CTNNA3: variants seen among roughly 807,000 people sequenced by gnomAD.
CTNNA3 encodes the protein catenin alpha-3.
A neutral mutation model predicts 95.7 loss-of-function variants in CTNNA3; 76 were observed. That is an observed-to-expected ratio of 0.79 (90% CI 0.66 to 0.96). The LOEUF (loss-of-function observed/expected upper bound fraction) is 0.96. Ranked by LOEUF, CTNNA3 falls within the 40% of genes least tolerant of loss-of-function variation. The probability of loss-of-function intolerance (pLI) is 0.00; values close to 1 mark genes in which losing one functional copy is unlikely to be tolerated. For synonymous variants in CTNNA3, 431 were observed against 374.4 expected (o/e 1.15, Z -1.74); for missense variants, 1,191 against 1,089.8 (o/e 1.09, Z -1.31).
chr10:67,595,146 CT>C (rs1842901298), intron 3 of CTNNA3, among the ~76,000 whole-genome samples: 1 of 152,144 alleles, frequency 6.6e-6, no homozygotes, highest in African/African-American at 2.4e-5. Flanking sequence ...CAGTTCAGCT[CT>C]GATTTTGGTT....
intron 10 of CTNNA3, among the ~76,000 whole-genome samples, chr10:66,566,820 G>A (rs1304296486): frequency 6.6e-6 from 1 of 151,808 alleles, no homozygotes; most frequent in African/African-American, 2.4e-5. Flanking sequence ...GTCACTGAAT[G>A]TGGATATTAG....
chr10:66,998,374 T>C (rs139166282), intron 7 of CTNNA3, among the ~76,000 whole-genome samples: 4 of 152,306 alleles, frequency 2.6e-5, no homozygotes, highest in African/African-American at 9.6e-5. Context: ...ATAGTTAATG[T>C]AAAAGCATAG....
intron 7 of CTNNA3, among the ~76,000 whole-genome samples, chr10:67,090,893 A>C (rs1048400859): frequency 6.6e-6 from 1 of 152,020 alleles, no homozygotes; most frequent in Non-Finnish European, 1.5e-5. Flanking sequence ...GCAGTGTGAT[A>C]ATTGCTTACA....
chr10:67,213,941 T>C (rs940565537), intron 6 of CTNNA3, among the ~76,000 whole-genome samples: 2 of 151,858 alleles, frequency 1.3e-5, no homozygotes, highest in Admixed American at 1.3e-4. Context: ...AGTATTGATA[T>C]AGCTATACCA....
At chr10:66,890,030 A>T (rs1845205525) in intron 7 of CTNNA3, among the ~76,000 whole-genome samples, 2 of 152,112 alleles carry the variant, frequency 1.3e-5, no homozygotes, top group African/African-American at 4.8e-5. Context: ...ACCTCAAGTG[A>T]TCCACCCGCC....
At chr10:65,948,612 C>T (rs990390092) in intron 17 of CTNNA3, among the ~76,000 whole-genome samples, 1 of 152,024 alleles carries the variant, frequency 6.6e-6, no homozygotes, top group South Asian at 2.1e-4. Flanking sequence ...TACCACAAAT[C>T]CGTGCTAAAG....
chr10:66,254,067 A>G (rs1176865665), intron 13 of CTNNA3, among the ~76,000 whole-genome samples: 1 of 152,054 alleles, frequency 6.6e-6, no homozygotes, highest in South Asian at 2.1e-4. Flanking sequence ...TGCTTTCCCT[A>G]TATGGTCCAG....
chr10:66,858,481 G>A (rs548016767), intron 7 of CTNNA3, among the ~76,000 whole-genome samples: 17 of 152,050 alleles, frequency 1.1e-4, no homozygotes, highest in African/African-American at 3.6e-4. Flanking sequence ...AATAGTACCC[G>A]CTTTTTTATA....
chr10:67,205,095 G>C (rs1484856091), intron 6 of CTNNA3, among the ~76,000 whole-genome samples: 1 of 152,060 alleles, frequency 6.6e-6, no homozygotes, highest in African/African-American at 2.4e-5. Context: ...TCTTTTATTA[G>C]CTTTACAAAG....
chr10:67,649,206 G>A (rs1839807859), intron 1 of CTNNA3, among the ~76,000 whole-genome samples: 1 of 152,220 alleles, frequency 6.6e-6, no homozygotes, highest in South Asian at 2.1e-4. Flanking sequence ...AAAAGTAGAG[G>A]AGACTGTTGT....
At chr10:67,216,173 G>A (rs1864351169) in intron 6 of CTNNA3, among the ~76,000 whole-genome samples, 1 of 152,068 alleles carries the variant, frequency 6.6e-6, no homozygotes, top group Non-Finnish European at 1.5e-5. Flanking sequence ...GAAAATGTAA[G>A]AACATGAGGA....
At chr10:67,322,218 CTTT>C (rs942651019) in intron 5 of CTNNA3, among the ~76,000 whole-genome samples, 6 of 151,982 alleles carry the variant, frequency 3.9e-5, no homozygotes, top group Admixed American at 3.3e-4. Context: ...GTTTCTTTTT[CTTT>C]TTTATTTATA....
chr10:66,828,733 T>C (rs908851689), intron 7 of CTNNA3, among the ~76,000 whole-genome samples: 6 of 152,238 alleles, frequency 3.9e-5, no homozygotes, highest in Non-Finnish European at 8.8e-5. Flanking sequence ...TATTTTTTAC[T>C]GCACTATTCC....
At chr10:67,159,709 A>G (rs1361241825) in intron 7 of CTNNA3, among the ~76,000 whole-genome samples, 6 of 152,198 alleles carry the variant, frequency 3.9e-5, no homozygotes, top group Non-Finnish European at 8.8e-5. Context: ...TACAACATAT[A>G]CAAAAATCAT....
intron 7 of CTNNA3, among the ~76,000 whole-genome samples, chr10:66,860,992 G>A (rs1843899033): frequency 6.6e-6 from 1 of 152,088 alleles, no homozygotes; most frequent in Non-Finnish European, 1.5e-5. Flanking sequence ...CTCTCTCATG[G>A]GGGAGGCCAG....
chr10:67,198,888 C>T (rs1019876969), intron 6 of CTNNA3, among the ~76,000 whole-genome samples: 21 of 152,012 alleles, frequency 1.4e-4, no homozygotes, highest in Admixed American at 1.3e-3. Flanking sequence ...AAAGTTTTTA[C>T]CAAAGAGCCT....
chr10:67,013,630 A>G (rs1852475634), intron 7 of CTNNA3, among the ~76,000 whole-genome samples: 3 of 152,182 alleles, frequency 2.0e-5, no homozygotes. Flanking sequence ...TTCTTGATAC[A>G]AAAGTATTAA....
intron 9 of CTNNA3, among the ~76,000 whole-genome samples, chr10:66,640,424 A>G (rs1845476834): frequency 1.3e-5 from 2 of 152,128 alleles, no homozygotes; most frequent in South Asian, 4.1e-4. Context: ...ACATGTGACA[A>G]TTCTGAAAGG....
At chr10:67,593,488 G>A (rs1385458760) in intron 3 of CTNNA3, among the ~76,000 whole-genome samples, 1 of 152,106 alleles carries the variant, frequency 6.6e-6, no homozygotes, top group African/African-American at 2.4e-5. Context: ...CTGATTAGCT[G>A]TATTCCTAGG....
Sources: allele counts gnomAD v4.1 joint callset (sites outside exome capture counted in the v4.1 genomes callset), GRCh38; gene constraint gnomAD v4.1.1; transcripts MANE v1.5; gene names NCBI Gene and HGNC (gene_info 2026-07-23, HGNC 2026-07-21).